The following USP30 variants were observed in gnomAD, a reference collection of about 807,000 sequenced individuals.
USP30 encodes ubiquitin carboxyl-terminal hydrolase 30.
USP30 carries 41 observed loss-of-function variants against 68.2 expected under a neutral mutation model. The ratio of observed to expected loss-of-function variants is 0.60; its 90% CI spans 0.47 to 0.78. USP30 has a LOEUF of 0.78. USP30 is among the 30% of genes least tolerant of loss of function. The pLI, the probability that USP30 is intolerant of heterozygous loss-of-function variation, is 0.00. For missense variants in USP30, 522 were observed against 649.4 expected (o/e 0.80, Z 2.13); for synonymous variants, 229 against 253.7 (o/e 0.90, Z 0.93).
Position 109,082,713 on chromosome 12 carries a change from C to T in USP30, c.918C>T (p.Thr306=), listed in dbSNP as rs148493313. The T allele has an allele frequency of 1.8e-4, 283 of 1,614,172 alleles. 1 individual carries two copies. The African/African-American group carries it at 3.4e-3, about 20-fold the overall frequency. ...LNGEKVEHQR[T]TFVKQLKLGK... is the part of the protein sequence containing the mutation. ...GGGAAAAGGTGGAACACCAGAGGAC[C>T]ACTTTTGTTAAACAGTTAAAACTAG... The change falls in exon 10 of 13, where the codon ACC becomes ACT. Residue 306 remains threonine, a synonymous_variant. Coordinates refer to ENST00000257548, the MANE Select transcript of USP30 (RefSeq NM_032663.5).
Position 109,082,958 on chromosome 12 carries a change from A to T in USP30, c.1064A>T (p.Lys355Met), listed in dbSNP as rs550643022. 5 of 1,614,258 alleles carry T rather than the reference A, an allele frequency of 3.1e-6. No homozygotes were observed. The African/African-American group carries it at 6.7e-5, about 22-fold the overall frequency. ...GAGTTCCTGATGATGGACATTTACA[A>T]GTACCACCTCCTTGGACATAAACCT... is the stretch of plus-strand genomic sequence containing the variant. ...FNEFLMMDIY[K>M]YHLLGHKPSQ... is the part of the protein sequence containing the mutation. The change falls in exon 11 of 13, where the codon AAG becomes ATG. Residue 355 changes from lysine to methionine, a missense_variant. Coordinates refer to ENST00000257548, the MANE Select transcript of USP30 (RefSeq NM_032663.5).
At chr12:109,071,732 C>T (rs776702446) in intron 5 of USP30, 22 bp downstream of exon 5, 27 of 1,600,488 alleles carry the variant, frequency 1.7e-5, no homozygotes, top group Non-Finnish European at 2.3e-5. Context: ...ATATTTCCAA[C>T]ACGTTCTGTG....
At chr12:109,036,840 T>C (rs1299244811) in intron 3 of USP30, among the ~76,000 whole-genome samples, 2 of 152,180 alleles carry the variant, frequency 1.3e-5, no homozygotes, top group African/African-American at 4.8e-5. Context: ...TGCTTCTCTC[T>C]GCTTTCAAAA....
chr12:109,024,528 G>T, intron 1 of USP30, among the ~76,000 whole-genome samples: 1 of 152,162 alleles, frequency 6.6e-6, no homozygotes, highest in South Asian at 2.1e-4. Flanking sequence ...AAAGTGCTGG[G>T]ATTGCAGGCT....
chr12:109,029,549 G>A (rs1389804700), intron 3 of USP30, among the ~76,000 whole-genome samples: 1 of 152,194 alleles, frequency 6.6e-6, no homozygotes, highest in Middle Eastern at 3.2e-3. Flanking sequence ...AGGGCACACT[G>A]TTTTACTAGG....
intron 7 of USP30, among the ~76,000 whole-genome samples, chr12:109,075,481 G>A (rs1459049778): frequency 6.6e-6 from 1 of 152,280 alleles, no homozygotes; most frequent in South Asian, 2.1e-4. Context: ...CTCCCAAGTA[G>A]CTGGGATTAC....
chr12:109,071,803 A>C, intron 5 of USP30, 93 bp downstream of exon 5: 1 of 1,180,954 alleles, frequency 8.5e-7, no homozygotes. Context: ...CAACTTTAAA[A>C]GTAAGATTCA....
intron 9 of USP30, 141 bp downstream of exon 9, chr12:109,082,160 G>C (rs1566106149): frequency 1.2e-6 from 1 of 834,762 alleles, no homozygotes; most frequent in East Asian, 2.5e-5. Context: ...ATTTGGTTTG[G>C]ACATTGGCAG....
intron 3 of USP30, among the ~76,000 whole-genome samples, chr12:109,038,659 T>C (rs758051346): frequency 3.9e-5 from 6 of 152,214 alleles, no homozygotes; most frequent in African/African-American, 1.2e-4. Flanking sequence ...TGGATCATTA[T>C]GGTAAGTTTA....
chr12:109,078,554 A>T (rs2041684532), intron 7 of USP30, among the ~76,000 whole-genome samples: 1 of 151,726 alleles, frequency 6.6e-6, no homozygotes, highest in African/African-American at 2.4e-5. Flanking sequence ...AGCCGAGATC[A>T]CACCACTGCA....
intron 6 of USP30, among the ~76,000 whole-genome samples, chr12:109,072,849 A>G (rs1325100581): frequency 1.3e-5 from 2 of 152,176 alleles, no homozygotes; most frequent in African/African-American, 2.4e-5. Flanking sequence ...CAACTCTACA[A>G]AGTTGATGAT....
At chr12:109,025,574 T>C (rs1428300345) in intron 2 of USP30, among the ~76,000 whole-genome samples, 5 of 152,050 alleles carry the variant, frequency 3.3e-5, no homozygotes, top group African/African-American at 4.8e-5. Context: ...ATGTCCAAAA[T>C]TGAGAAAACA....
At chr12:109,068,682 C>CT (rs1340540213) in intron 4 of USP30, among the ~76,000 whole-genome samples, 1 of 152,162 alleles carries the variant, frequency 6.6e-6, no homozygotes, top group Non-Finnish European at 1.5e-5. Context: ...CATCAGATAA[C>CT]TTTTTTAAGG....
At position 109,084,861 on chromosome 12, in the gene USP30, T is replaced by C. The variant is rs1452618916; in HGVS notation, c.1169-92T>C. On this transcript the variant is annotated intron_variant, in intron 11 of 12. Coordinates refer to ENST00000257548, the MANE Select transcript of USP30 (RefSeq NM_032663.5). ...AAATAGATTTTTTTCTTTGTAGCATTATGGGGAGTTAACTTTCAAGGTAAT... is the reference window on the plus strand; with the variant it reads ...AAATAGATTTTTTTCTTTGTAGCATCATGGGGAGTTAACTTTCAAGGTAAT... The C allele has an allele frequency of 2.2e-6, 3 of 1,364,790 alleles. No individual in the cohort carries two copies. The African/African-American group carries it at 4.4e-5, about 20-fold the overall frequency. The allele number at this position is 1,364,790 out of a possible 1,614,324, so 84.5% of individuals were successfully genotyped here.
intron 3 of USP30, among the ~76,000 whole-genome samples, chr12:109,038,185 C>A (rs1186803976): frequency 1.4e-5 from 2 of 146,198 alleles, no homozygotes; most frequent in South Asian, 2.3e-4. Context: ...CTCCAAAGGC[C>A]CCAGTGTATG....
chr12:109,069,846 G>C (rs1269793865), intron 4 of USP30, among the ~76,000 whole-genome samples: 1 of 152,190 alleles, frequency 6.6e-6, no homozygotes, highest in Non-Finnish European at 1.5e-5. Context: ...GCGGAGACCG[G>C]AAGTATAAAA....
chr12:109,076,492 T>C (rs2041612175), intron 7 of USP30, among the ~76,000 whole-genome samples: 1 of 152,108 alleles, frequency 6.6e-6, no homozygotes, highest in Non-Finnish European at 1.5e-5. Flanking sequence ...GGCAGACATC[T>C]TTGCTTTGTT....
At chr12:109,071,795 A>G (rs2041452263) in intron 5 of USP30, 85 bp downstream of exon 5, 3 of 1,263,506 alleles carry the variant, frequency 2.4e-6, no homozygotes, top group Non-Finnish European at 3.3e-6. Context: ...TCTTTGTACA[A>G]CTTTAAAAGT....
chr12:109,024,133 G>A (rs150695577), intron 1 of USP30, among the ~76,000 whole-genome samples: 409 of 152,206 alleles, frequency 2.7e-3, no homozygotes, highest in African/African-American at 9.6e-3. Flanking sequence ...TCAGAAATAC[G>A]GGGATCAATA....
Sources: gnomAD v4.1 joint callset for allele counts (sites outside exome capture counted in the v4.1 genomes callset) on GRCh38, gnomAD v4.1.1 for gene constraint, MANE v1.5 for transcripts, NCBI Gene and HGNC (gene_info 2026-07-23, HGNC 2026-07-21) for gene names.